The following CEP170 variants were observed in gnomAD, a reference collection of about 807,000 sequenced individuals.
The protein encoded by CEP170 is centrosomal protein 170.
In CEP170, 21 loss-of-function variants were observed where a neutral mutation model predicts 151.9. That is an observed-to-expected ratio of 0.14 (90% CI 0.10 to 0.20). The LOEUF is 0.20. Ranked by LOEUF, CEP170 falls within the 10% of genes least tolerant of loss-of-function variation. CEP170 has a pLI of 1.00. For missense variants in CEP170, 964 were observed against 1,892.9 expected, an observed-to-expected ratio of 0.51 and a Z score of 9.11; for synonymous variants, 356 against 648.8, an observed-to-expected ratio of 0.55 and a Z score of 6.86.
intron 8 of CEP170, among the ~76,000 whole-genome samples, chr1:243,190,480 T>G (rs1375505007): frequency 6.6e-6 from 1 of 152,186 alleles, no homozygotes; most frequent in Non-Finnish European, 1.5e-5. Context: ...ATTTTAAAAC[T>G]GGATTAATAG....
chr1:243,245,945 C>CAA (rs576070175), intron 1 of CEP170, among the ~76,000 whole-genome samples: 2 of 126,216 alleles, frequency 1.6e-5, no homozygotes, highest in African/African-American at 5.9e-5. Context: ...GACCTCGTCT[C>CAA]AAAAAAAAAA....
chr1:243,169,005 A>T (rs1339484335), intron 12 of CEP170, among the ~76,000 whole-genome samples: 1 of 140,916 alleles, frequency 7.1e-6, no homozygotes, highest in African/African-American at 2.7e-5. Context: ...ATATATATAT[A>T]ATATATATGT....
intron 4 of CEP170, chr1:243,211,308 T>C (rs2061784832): frequency 6.6e-6 from 1 of 152,272 alleles, no homozygotes; most frequent in African/African-American, 2.4e-5. Flanking sequence ...GTTCAATTAT[T>C]AGATTCCTAA....
intron 12 of CEP170, chr1:243,168,509 A>G (rs1228031465): frequency 6.6e-6 from 1 of 152,014 alleles, no homozygotes; most frequent in Non-Finnish European, 1.5e-5. Flanking sequence ...AATGTTGACC[A>G]TAAATACAAT....
rs1314753418 is a variant in CEP170 at position 243,126,047 on chromosome 1, G to A, written c.*402C>T. The A allele has an allele frequency of 4.4e-6, 2 of 454,546 alleles. No homozygotes were observed. Among genetic ancestry groups the A allele is most frequent in the African/African-American group, 2.0e-5 (1 of 49,740 alleles). The allele number at this position is 454,546 out of a possible 1,614,324, so 28.2% of individuals were successfully genotyped here. Reference sequence around the variant, plus strand: ...GGTTTAACAAATCTGTACAGATGAAGAAGTCCATTTCAGGGAGCAGCTTGG... The same window carrying A: ...GGTTTAACAAATCTGTACAGATGAAAAAGTCCATTTCAGGGAGCAGCTTGG... On this transcript the variant is annotated 3_prime_UTR_variant, in exon 20 of 20. Coordinates refer to ENST00000366542, the MANE Select transcript of CEP170 (RefSeq NM_014812.3).
chr1:243,125,350 TG>T lies in CEP170; in HGVS notation c.*1098del, dbSNP rs1182794277. 3 of 152,652 alleles carry T rather than the reference TG, an allele frequency of 2.0e-5. No homozygotes were observed. The highest frequency in any genetic ancestry group is 7.2e-5 in the African/African-American group (3 of 41,446). The allele number at this position is 152,652 out of a possible 1,614,324, so 9.5% of individuals were successfully genotyped here. On this transcript the variant is annotated 3_prime_UTR_variant, in exon 20 of 20. Coordinates refer to ENST00000366542, the MANE Select transcript of CEP170 (RefSeq NM_014812.3). ...TCGTCTTGCAGGGTCCTTATAAATG[TG>T]TAAGACAGACAGCATTTACTATTGA...
chr1:243,127,132 G>A (rs1185241001), intron 19 of CEP170, among the ~76,000 whole-genome samples: 2 of 152,114 alleles, frequency 1.3e-5, no homozygotes, highest in African/African-American at 4.8e-5. Context: ...GCTAAGTCAG[G>A]GTTCAGAGTA....
chr1:243,131,328 T>C (rs2054380742), intron 17 of CEP170, among the ~76,000 whole-genome samples: 1 of 151,760 alleles, frequency 6.6e-6, no homozygotes, highest in Non-Finnish European at 1.5e-5. Flanking sequence ...CTCGTCTCTA[T>C]AAAAAATACA....
rs2059940797 is a variant in CEP170 at position 243,186,423 on chromosome 1, C to A, written c.1109-1G>T. On this transcript the variant is annotated splice_acceptor_variant, in intron 8 of 19. Coordinates refer to ENST00000366542, the MANE Select transcript of CEP170 (RefSeq NM_014812.3). LOFTEE classifies it high-confidence loss of function. ...TGCGTACCATCATCATGTTTATTTC[C>A]TGGATACAAAAAGAAAACACACAAT... 1 of 1,587,842 alleles carries A rather than the reference C, an allele frequency of 6.3e-7. No individual in the cohort carries two copies. Among genetic ancestry groups the A allele is most frequent in the Admixed American group, 1.9e-5 (1 of 53,162 alleles).
intron 4 of CEP170, among the ~76,000 whole-genome samples, chr1:243,202,898 C>A (rs1216198993): frequency 3.3e-5 from 5 of 152,146 alleles, no homozygotes; most frequent in African/African-American, 1.2e-4. Context: ...GTGCTTCAAG[C>A]TTACCTCCTG....
intron 14 of CEP170, among the ~76,000 whole-genome samples, chr1:243,146,925 C>T (rs2056569960): frequency 2.1e-5 from 3 of 143,220 alleles, no homozygotes; most frequent in South Asian, 4.2e-4. Context: ...TGTGAATCCC[C>T]CCTAACCAGT....
chr1:243,231,930 G>A (rs749671190), intron 1 of CEP170, among the ~76,000 whole-genome samples: 4 of 151,874 alleles, frequency 2.6e-5, no homozygotes, highest in African/African-American at 4.8e-5. Context: ...TTCCACATCA[G>A]CAATCCTCAC....
intron 8 of CEP170, among the ~76,000 whole-genome samples, chr1:243,189,701 A>G (rs1397763611): frequency 6.6e-6 from 1 of 152,004 alleles, no homozygotes; most frequent in Non-Finnish European, 1.5e-5. Flanking sequence ...TTGTTTATTA[A>G]GAGTGGTTTT....
chr1:243,180,019 T>C (rs1389146201), intron 10 of CEP170, among the ~76,000 whole-genome samples: 1 of 152,122 alleles, frequency 6.6e-6, no homozygotes, highest in African/African-American at 2.4e-5. Flanking sequence ...GTTACAGAGA[T>C]GGATGGCGGT....
chr1:243,135,233 G>C (rs996819370), intron 17 of CEP170, among the ~76,000 whole-genome samples: 1 of 152,112 alleles, frequency 6.6e-6, no homozygotes, highest in Non-Finnish European at 1.5e-5. Context: ...TTGAGACAGA[G>C]TCTCACTCTG....
chr1:243,245,083 A>C (rs1462079472), intron 1 of CEP170, among the ~76,000 whole-genome samples: 1 of 152,210 alleles, frequency 6.6e-6, no homozygotes, highest in Admixed American at 6.5e-5. Context: ...AGGGTGATAC[A>C]ACAGAAGTAT....
chr1:243,152,340 G>A (rs530824465), intron 14 of CEP170, among the ~76,000 whole-genome samples: 13 of 150,674 alleles, frequency 8.6e-5, no homozygotes, highest in Non-Finnish European at 1.9e-4. Context: ...TCTTGCCTCA[G>A]CCTCCAGGGT....
intron 13 of CEP170, among the ~76,000 whole-genome samples, chr1:243,161,794 T>G (rs553939746): frequency 1.3e-5 from 2 of 152,344 alleles, no homozygotes; most frequent in Middle Eastern, 3.4e-3. Flanking sequence ...TCGGCATGAT[T>G]TAACATTCTT....
chr1:243,152,278 G>A (rs1354096241), intron 14 of CEP170, among the ~76,000 whole-genome samples: 1 of 150,268 alleles, frequency 6.7e-6, no homozygotes. Context: ...CTGGAGTGCA[G>A]TGGCGCCATC....
Sources: gnomAD v4.1 joint callset for allele counts (sites outside exome capture counted in the v4.1 genomes callset) on GRCh38, gnomAD v4.1.1 for gene constraint, MANE v1.5 for transcripts, NCBI Gene and HGNC (gene_info 2026-07-23, HGNC 2026-07-21) for gene names.